The following DSCAM variants were observed in gnomAD, a reference collection of about 807,000 sequenced individuals.
DSCAM encodes the protein cell adhesion molecule DSCAM.
Under a neutral mutation model 217.7 loss-of-function variants are expected in DSCAM, and 47 were observed. That is an observed-to-expected ratio of 0.22 (90% CI 0.17 to 0.28). The LOEUF is 0.28. Ranked by LOEUF, DSCAM falls within the 10% of genes least tolerant of loss-of-function variation. The pLI is 1.00. For synonymous variants in DSCAM, 1,056 were observed against 1,015.3 expected (o/e 1.04, Z -0.76); for missense variants, 2,080 against 2,618.3 (o/e 0.79, Z 4.49).
chr21:40,298,512 T>C (rs1406571995), intron 9 of DSCAM, among the ~76,000 whole-genome samples: 1 of 152,140 alleles, frequency 6.6e-6, no homozygotes, highest in Non-Finnish European at 1.5e-5. Context: ...GGAGACAAAA[T>C]GTATTTAAGA....
chr21:40,644,387 T>C (rs972297875), intron 3 of DSCAM, among the ~76,000 whole-genome samples: 1 of 152,076 alleles, frequency 6.6e-6, no homozygotes, highest in Non-Finnish European at 1.5e-5. Flanking sequence ...GGCAGGAGAA[T>C]AGGGTTTAGG....
chr21:40,406,105 C>T (rs1461002431), intron 3 of DSCAM, among the ~76,000 whole-genome samples: 1 of 152,146 alleles, frequency 6.6e-6, no homozygotes, highest in East Asian at 1.9e-4. Flanking sequence ...TAACGTATCA[C>T]CTCATACCTG....
rs929378988 is a variant in DSCAM at position 40,059,529 on chromosome 21, G to A, written c.4919+3340C>T. ...AGGAATCCCTGGGGACCTAGACTGA[G>A]TGGGTATGTTCTGCTGTCCAATCTG... is the stretch of plus-strand genomic sequence containing the variant. On this transcript the variant is annotated intron_variant, in intron 28 of 32. Coordinates refer to ENST00000400454, the MANE Select transcript of DSCAM (RefSeq NM_001389.5). 3.9e-5 allele frequency among the ~76,000 whole-genome samples: 6 copies of A among 152,184 alleles called. No individual in the cohort carries two copies. In the East Asian group the frequency reaches 1.2e-3, roughly 29 times the overall value.
At chr21:40,318,102 G>A (rs1355560651) in intron 8 of DSCAM, among the ~76,000 whole-genome samples, 1 of 146,328 alleles carries the variant, frequency 6.8e-6, no homozygotes, top group South Asian at 2.2e-4. Context: ...ACCAAACACC[G>A]CATGTTCTCA....
chr21:40,210,204 A>T (rs1236506181), intron 11 of DSCAM, among the ~76,000 whole-genome samples: 1 of 152,210 alleles, frequency 6.6e-6, no homozygotes, highest in Non-Finnish European at 1.5e-5. Flanking sequence ...GTTGGATTTC[A>T]TTCCACCTTC....
intron 11 of DSCAM, among the ~76,000 whole-genome samples, chr21:40,225,046 G>T (rs893383985): frequency 2.0e-5 from 3 of 152,116 alleles, no homozygotes; most frequent in African/African-American, 7.2e-5. Context: ...CTCACACGAG[G>T]TACACACACC....
At chr21:40,392,396 C>T (rs2075141835) in intron 3 of DSCAM, among the ~76,000 whole-genome samples, 1 of 152,114 alleles carries the variant, frequency 6.6e-6, no homozygotes, top group African/African-American at 2.4e-5. Context: ...CCACACTCTT[C>T]CTAAAATGAT....
chr21:40,258,700 G>A (rs539013964), intron 11 of DSCAM, among the ~76,000 whole-genome samples: 3 of 152,348 alleles, frequency 2.0e-5, no homozygotes, highest in African/African-American at 7.2e-5. Context: ...ACAAGCATTA[G>A]GTCATAGCCT....
intron 11 of DSCAM, among the ~76,000 whole-genome samples, chr21:40,271,678 C>T (rs1323077300): frequency 1.3e-5 from 2 of 152,160 alleles, no homozygotes; most frequent in Non-Finnish European, 2.9e-5. Context: ...AAGATGGCTA[C>T]AAGATGAAAA....
chr21:40,013,105 C>A lies in DSCAM; in HGVS notation c.5968G>T (p.Glu1990Ter). The A allele has an allele frequency of 6.2e-7, 1 of 1,605,090 alleles. No homozygotes were observed. Among genetic ancestry groups the A allele is most frequent in the Non-Finnish European group, 8.5e-7 (1 of 1,174,534 alleles). The change falls in exon 33 of 33, where the codon GAA becomes TAA. Residue 1990 changes from glutamate to a stop codon, truncating the protein, a stop_gained. Transcript: ENST00000400454. LOFTEE classifies it high-confidence loss of function. The part of the protein sequence containing the change: ...GQAAKMSSSQ[E>*]SLLDSRGHLK... ...TGGCCCCGGGAGTCGAGCAGTGATTCTTGGGAGCTGCTCATTTTAGCTGCC... is the reference window on the plus strand; with the variant it reads ...TGGCCCCGGGAGTCGAGCAGTGATTATTGGGAGCTGCTCATTTTAGCTGCC...
intron 3 of DSCAM, among the ~76,000 whole-genome samples, chr21:40,686,124 TAC>T (rs1297282446): frequency 1.4e-5 from 2 of 138,716 alleles, no homozygotes; most frequent in South Asian, 2.4e-4. Context: ...AACACACAGA[TAC>T]AGAGCACACA....
chr21:40,654,831 C>T (rs2090055640), intron 3 of DSCAM, among the ~76,000 whole-genome samples: 1 of 152,170 alleles, frequency 6.6e-6, no homozygotes, highest in Non-Finnish European at 1.5e-5. Context: ...ATCACATCTG[C>T]AAAATCCTTT....
At chr21:40,752,805 G>A (rs914674554) in intron 1 of DSCAM, among the ~76,000 whole-genome samples, 2 of 152,102 alleles carry the variant, frequency 1.3e-5, no homozygotes, top group African/African-American at 4.8e-5. Flanking sequence ...ACAAAAGGAA[G>A]GAAAGGAGGA....
chr21:40,483,566 AT>A lies in DSCAM; in HGVS notation c.509-114322del, dbSNP rs550333776. On this transcript the variant is annotated intron_variant, in intron 3 of 32. Transcript: ENST00000400454. ...GTTTTTGCCTGATTACACAATGATA[AT>A]TTTTTTCTTTTTATTTTCCTGTATA... is the stretch of plus-strand genomic sequence containing the variant. 5.1e-4 allele frequency among the ~76,000 whole-genome samples: 78 copies of A among 152,234 alleles called. 1 individual carries two copies. Among genetic ancestry groups the A allele is most frequent in the Admixed American group, 1.6e-3 (25 of 15,284 alleles).
intron 9 of DSCAM, among the ~76,000 whole-genome samples, chr21:40,308,736 G>C (rs887465892): frequency 6.6e-5 from 10 of 152,178 alleles, no homozygotes; most frequent in Non-Finnish European, 1.2e-4. Flanking sequence ...CCTGAAAGCA[G>C]TTCTTATATA....
chr21:40,113,118 G>A (rs567449711), intron 20 of DSCAM, among the ~76,000 whole-genome samples: 2 of 152,248 alleles, frequency 1.3e-5, no homozygotes, highest in South Asian at 4.1e-4. Context: ...AACAAAAAAA[G>A]GGAATTTTAG....
chr21:40,415,305 G>T (rs945069741), intron 3 of DSCAM, among the ~76,000 whole-genome samples: 1 of 152,198 alleles, frequency 6.6e-6, no homozygotes, highest in Admixed American at 6.5e-5. Flanking sequence ...GCAACATGGC[G>T]GAATATAAAA....
intron 3 of DSCAM, among the ~76,000 whole-genome samples, chr21:40,445,154 T>C (rs2075664215): frequency 6.6e-6 from 1 of 152,158 alleles, no homozygotes; most frequent in Non-Finnish European, 1.5e-5. Context: ...ACTAATCCCA[T>C]TCATGAGAGT....
chr21:40,753,871 T>TG (rs2091251217), intron 1 of DSCAM, among the ~76,000 whole-genome samples: 1 of 152,226 alleles, frequency 6.6e-6, no homozygotes. Flanking sequence ...AGCTGGGCCT[T>TG]GTCACGAACA....
Sources: allele counts gnomAD v4.1 joint callset (sites outside exome capture counted in the v4.1 genomes callset), GRCh38; gene constraint gnomAD v4.1.1; transcripts MANE v1.5; gene names NCBI Gene and HGNC (gene_info 2026-07-23, HGNC 2026-07-21).